Variants in ZNF33B observed in about 807,000 individuals in gnomAD.
The protein encoded by ZNF33B is zinc finger protein 11b (KOX 2).
In ZNF33B, 29 loss-of-function variants were observed where a neutral mutation model predicts 45.8. The ratio of observed to expected loss-of-function variants is 0.63; its 90% CI spans 0.47 to 0.86. The LOEUF (loss-of-function observed/expected upper bound fraction) is 0.86, where lower values mean the gene tolerates loss of function less well. ZNF33B is among the 40% of genes least tolerant of loss of function. ZNF33B has a pLI of 0.00. For missense variants in ZNF33B, 831 were observed against 909.9 expected, an observed-to-expected ratio of 0.91 and a Z score of 1.12; for synonymous variants, 305 against 307.8, an observed-to-expected ratio of 0.99 and a Z score of 0.10.
chr10:42,628,944 T>A (rs1417832639), intron 4 of ZNF33B, among the ~76,000 whole-genome samples: 1 of 152,102 alleles, frequency 6.6e-6, no homozygotes, highest in Non-Finnish European at 1.5e-5. Context: ...AATCCAGCAA[T>A]CCCACTCCTA....
intron 4 of ZNF33B, among the ~76,000 whole-genome samples, chr10:42,599,063 C>CTTTTTTATTT (rs1564503690): frequency 6.6e-6 from 1 of 152,188 alleles, no homozygotes; most frequent in Non-Finnish European, 1.5e-5. Context: ...GCCGTAATAG[C>CTTTTTTATTT]TGTTTATTTG....
At chr10:42,583,187 G>C in intron 1 of ZNF33B, 1 of 741,284 alleles carries the variant, frequency 1.3e-6, no homozygotes. Context: ...TTGATGTGAA[G>C]ATGGCCTGAA....
chr10:42,593,121 T>G lies in ZNF33B; in HGVS notation c.1829A>C (p.Glu610Ala). ...GAAGGTTTTTCCACATTCATTACAT[T>G]CATAGGGTTTCTCCCCTGTATGTGT... is the stretch of plus-strand genomic sequence containing the variant. ...NRTHTGEKPY[E>A]CNECGKTFCQ... is the part of the protein sequence containing the mutation. Residue 610 changes from glutamate (E) to alanine (A), a missense_variant, in exon 5 of 5, where the codon GAA becomes GCA. By Grantham distance (107) the Glu-to-Ala change is moderately radical. Transcript: ENST00000359467. The G allele has an allele frequency of 6.2e-7, 1 of 1,613,976 alleles. No individual in the cohort carries two copies. The highest frequency in any genetic ancestry group is 2.2e-5 in the East Asian group (1 of 44,834).
chr10:42,574,984 C>T (rs1275833452), intron 1 of ZNF33B, among the ~76,000 whole-genome samples: 3 of 152,072 alleles, frequency 2.0e-5, no homozygotes, highest in African/African-American at 7.2e-5. Context: ...TAAGAGATGC[C>T]CACCTAATAC....
Position 42,593,821 on chromosome 10 carries a change from T to A in ZNF33B, c.1129A>T (p.Arg377Ter). Residue 377 changes from arginine to a stop codon, truncating the protein, a stop_gained, in exon 5 of 5, where the codon AGA (arginine) becomes TGA (stop). Coordinates refer to ENST00000359467, the MANE Select transcript of ZNF33B (RefSeq NM_006955.3). LOFTEE classifies it high-confidence loss of function. Reference sequence around the variant, plus strand: ...AAAGGTTTCTCCCCTGTGTGTGATCTCTGATGTTTAGTGAGGTTTGACTTC... The same window carrying A: ...AAAGGTTTCTCCCCTGTGTGTGATCACTGATGTTTAGTGAGGTTTGACTTC... Reference protein sequence around the residue: ...WEKSNLTKHQRSHTGEKPFEC... With the variant: ...WEKSNLTKHQ The A allele has an allele frequency of 1.2e-6, 2 of 1,614,118 alleles. No homozygotes were observed. Among genetic ancestry groups the A allele is most frequent in the Non-Finnish European group, 1.7e-6 (2 of 1,179,982 alleles).
intron 2 of ZNF33B, among the ~76,000 whole-genome samples, chr10:42,635,742 G>A (rs1414876190): frequency 6.7e-6 from 1 of 150,114 alleles, no homozygotes; most frequent in Non-Finnish European, 1.5e-5. Context: ...CCAGGGAATC[G>A]GAGGTTGCAG....
At chr10:42,599,467 T>C (rs1010453856) in intron 4 of ZNF33B, among the ~76,000 whole-genome samples, 1 of 794 alleles carries the variant, frequency 1.3e-3, no homozygotes. Context: ...TATATACATA[T>C]GTATATTACA....
chr10:42,595,056 T>C (rs1488175465), intron 4 of ZNF33B, among the ~76,000 whole-genome samples: 1 of 152,148 alleles, frequency 6.6e-6, no homozygotes, highest in Non-Finnish European at 1.5e-5. Context: ...GCAAATAATA[T>C]TATCTATAAC....
In ZNF33B at chr10:42,592,896, C is replaced by T. The variant is rs1409525543; in HGVS notation, c.2054G>A (p.Arg685Lys). 1.9e-6 allele frequency: 3 copies of T among 1,613,960 alleles called. No homozygotes were observed. The African/African-American group carries it at 4.0e-5, about 22-fold the overall frequency. The change falls in exon 5 of 5, where the codon AGA becomes AAA. Residue 685 changes from arginine to lysine, a missense_variant. Arg to Lys is a conservative substitution (Grantham distance 26). Transcript: ENST00000359467. ...CVKSGLILHERKHTGEKPYEC... is the reference protein window; with the variant it reads ...CVKSGLILHEKKHTGEKPYEC... The stretch of plus-strand genomic sequence containing the variant: ...ATAGGGTTTCTCCCCCGTGTGCTTT[C>T]TCTCATGTAAAATAAGTCCTGACTT...
chr10:42,619,503 C>T (rs2132121773), intron 4 of ZNF33B, among the ~76,000 whole-genome samples: 2 of 152,092 alleles, frequency 1.3e-5, no homozygotes, highest in South Asian at 4.1e-4. Flanking sequence ...AGGTGTCTTT[C>T]AAGATGAAAT....
At chr10:42,624,938 A>T (rs1236912028) in intron 4 of ZNF33B, among the ~76,000 whole-genome samples, 1 of 152,152 alleles carries the variant, frequency 6.6e-6, no homozygotes, top group Non-Finnish European at 1.5e-5. Context: ...AGAAAAGGGG[A>T]GACTAATGTA....
chr10:42,624,490 C>T (rs936213238), intron 4 of ZNF33B, among the ~76,000 whole-genome samples: 5 of 152,150 alleles, frequency 3.3e-5, no homozygotes, highest in African/African-American at 1.2e-4. Flanking sequence ...AGCCTGAAGC[C>T]TCAGATAGTA....
intron 4 of ZNF33B, among the ~76,000 whole-genome samples, chr10:42,598,079 C>T (rs1837472932): frequency 6.6e-6 from 1 of 152,188 alleles, no homozygotes; most frequent in Admixed American, 6.5e-5. Context: ...AATGAAATTC[C>T]TATTTCTAAG....
intron 1 of ZNF33B, among the ~76,000 whole-genome samples, chr10:42,637,988 AAGATC>A (rs760036738): frequency 2.6e-5 from 4 of 152,244 alleles, no homozygotes; most frequent in Non-Finnish European, 5.9e-5. Context: ...TCCTGAGTGC[AAGATC>A]AAGTTAGGAC....
intron 4 of ZNF33B, among the ~76,000 whole-genome samples, chr10:42,626,291 G>C (rs1425086056): frequency 6.6e-6 from 1 of 152,134 alleles, no homozygotes; most frequent in Non-Finnish European, 1.5e-5. Context: ...TTTTGGTAAA[G>C]ATTTTTGCTA....
rs944513162 is a variant in ZNF33B at position 42,592,443 on chromosome 10, T to C, written c.*170A>G. On this transcript the variant is annotated 3_prime_UTR_variant, in exon 5 of 5. Transcript: ENST00000359467. ...TCACTTCCTAACAAAAGCCATCCTATAGTTGTTGTAGTCTATGGGTTTATC... is the reference window on the plus strand; with the variant it reads ...TCACTTCCTAACAAAAGCCATCCTACAGTTGTTGTAGTCTATGGGTTTATC... 28 of 958,672 alleles carry C rather than the reference T, an allele frequency of 2.9e-5. No homozygotes were observed. In the African/African-American group the frequency reaches 4.1e-4, roughly 14 times the overall value. The allele number at this position is 958,672 out of a possible 1,614,324, so 59.4% of individuals were successfully genotyped here. A position where few individuals can be genotyped will look rare whatever the true frequency, so the allele number is the denominator to read the frequency against.
chr10:42,637,368 A>G (rs1164240129), intron 1 of ZNF33B, among the ~76,000 whole-genome samples: 2 of 152,246 alleles, frequency 1.3e-5, no homozygotes, highest in Non-Finnish European at 2.9e-5. Flanking sequence ...CAGTAATGTT[A>G]CTTAACCTCT....
At position 42,590,935 on chromosome 10, in the gene ZNF33B, A is replaced by C. The variant is rs1402718610; in HGVS notation, c.*1678T>G. 1 of 155,160 alleles carries C rather than the reference A, an allele frequency of 6.4e-6. No homozygotes were observed. Among genetic ancestry groups the C allele is most frequent in the Non-Finnish European group, 1.4e-5 (1 of 70,936 alleles). The allele number at this position is 155,160 out of a possible 1,614,324, so 9.6% of individuals were successfully genotyped here. On this transcript the variant is annotated 3_prime_UTR_variant, in exon 5 of 5. Transcript: ENST00000359467. Reference sequence around the variant, plus strand: ...TTTTACTCTAATTTTTTTCCAGGTTACTTTGGATTTAATTTGCTCTTCTTT... The same window carrying C: ...TTTTACTCTAATTTTTTTCCAGGTTCCTTTGGATTTAATTTGCTCTTCTTT...
chr10:42,623,831 T>C (rs1838691375), intron 4 of ZNF33B, among the ~76,000 whole-genome samples: 1 of 152,260 alleles, frequency 6.6e-6, no homozygotes, highest in South Asian at 2.1e-4. Flanking sequence ...TCATGTTATA[T>C]ATATTTTACT....
Sources: allele counts gnomAD v4.1 joint callset (sites outside exome capture counted in the v4.1 genomes callset), GRCh38; gene constraint gnomAD v4.1.1; transcripts MANE v1.5; gene names NCBI Gene and HGNC (gene_info 2026-07-23, HGNC 2026-07-21).